GALNTL6: variants seen among roughly 807,000 people sequenced by gnomAD.
GALNTL6 encodes the protein polypeptide N-acetylgalactosaminyltransferase like 6.
A neutral mutation model predicts 73.7 loss-of-function variants in GALNTL6; 46 were observed. That is an observed-to-expected ratio of 0.62 (90% CI 0.49 to 0.80). The LOEUF is 0.80. GALNTL6 is among the 30% of genes least tolerant of loss of function. The probability of loss-of-function intolerance (pLI) is 0.00; values close to 1 mark genes in which losing one functional copy is unlikely to be tolerated. For synonymous variants in GALNTL6, 259 were observed against 263.7 expected (o/e 0.98, Z 0.17); for missense variants, 604 against 755.0 (o/e 0.80, Z 2.34).
chr4:171,914,430 T>A (rs966580903), intron 2 of GALNTL6, among the ~76,000 whole-genome samples: 1 of 37,974 alleles, frequency 2.6e-5, no homozygotes, highest in African/African-American at 1.8e-4. Context: ...AAAATGTACT[T>A]TTTTTTTTTT....
chr4:172,205,169 C>T (rs751895531), intron 2 of GALNTL6, among the ~76,000 whole-genome samples: 4 of 152,104 alleles, frequency 2.6e-5, no homozygotes, highest in African/African-American at 7.2e-5. Flanking sequence ...TTCATCTTTG[C>T]GCCTTTGGTA....
intron 10 of GALNTL6, 61 bp downstream of exon 10, chr4:172,952,319 C>T (rs1228503459): frequency 6.5e-6 from 8 of 1,227,504 alleles, no homozygotes; most frequent in Middle Eastern, 4.8e-4. Context: ...CCCCCATAGC[C>T]TCAGGTGGTG....
At chr4:172,447,092 T>C (rs747026823) in intron 5 of GALNTL6, among the ~76,000 whole-genome samples, 6 of 152,062 alleles carry the variant, frequency 3.9e-5, no homozygotes, top group Non-Finnish European at 7.4e-5. Flanking sequence ...GGTGAAGAGA[T>C]CATGACAGCA....
chr4:172,986,004 T>G (rs1751272828), intron 10 of GALNTL6, among the ~76,000 whole-genome samples: 1 of 152,160 alleles, frequency 6.6e-6, no homozygotes, highest in Admixed American at 6.5e-5. Context: ...AGAATGGGCT[T>G]TTTACATTCT....
chr4:172,079,137 G>A (rs1364019193), intron 2 of GALNTL6, among the ~76,000 whole-genome samples: 1 of 151,914 alleles, frequency 6.6e-6, no homozygotes, highest in Non-Finnish European at 1.5e-5. Context: ...CACCATCTAT[G>A]TCTGATTATA....
chr4:172,306,903 G>A (rs1195563816), intron 3 of GALNTL6, among the ~76,000 whole-genome samples: 6 of 152,086 alleles, frequency 3.9e-5, no homozygotes, highest in East Asian at 1.9e-4. Context: ...TTGCAATTGC[G>A]AATTGTGCTG....
At chr4:172,720,699 AGAC>A (rs1452222787) in intron 5 of GALNTL6, among the ~76,000 whole-genome samples, 1 of 152,266 alleles carries the variant, frequency 6.6e-6, no homozygotes, top group Non-Finnish European at 1.5e-5. Context: ...TTAGGGATGT[AGAC>A]AGCCCTGTAG....
chr4:172,105,183 GAAAT>G (rs1157132826), intron 2 of GALNTL6, among the ~76,000 whole-genome samples: 1 of 151,918 alleles, frequency 6.6e-6, no homozygotes, highest in Admixed American at 6.6e-5. Flanking sequence ...AGGAATTCTA[GAAAT>G]AAAAATATGA....
intron 10 of GALNTL6, among the ~76,000 whole-genome samples, chr4:172,968,032 TA>T (rs1182913069): frequency 1.3e-5 from 2 of 152,168 alleles, no homozygotes; most frequent in Admixed American, 1.3e-4. Flanking sequence ...TGCTTTTGTT[TA>T]ATCATCAAGA....
At chr4:172,372,308 C>T (rs187677693) in intron 5 of GALNTL6, among the ~76,000 whole-genome samples, 121 of 152,210 alleles carry the variant, frequency 7.9e-4, no homozygotes, top group African/African-American at 2.8e-3. Context: ...TTGAGGGCCA[C>T]GCATATACAT....
chr4:172,635,724 A>T (rs1163112292), intron 5 of GALNTL6, among the ~76,000 whole-genome samples: 1 of 152,148 alleles, frequency 6.6e-6, no homozygotes, highest in Non-Finnish European at 1.5e-5. Context: ...GGATGATCAG[A>T]TCCAAGTTTG....
intron 2 of GALNTL6, among the ~76,000 whole-genome samples, chr4:171,836,207 TTTAAA>T (rs1248154115): frequency 3.3e-5 from 5 of 152,054 alleles, no homozygotes; most frequent in Non-Finnish European, 7.4e-5. Flanking sequence ...ACTATCTATT[TTTAAA>T]TTATATAAAA....
chr4:172,249,346 G>A (rs1737770822), intron 3 of GALNTL6, among the ~76,000 whole-genome samples: 1 of 152,104 alleles, frequency 6.6e-6, no homozygotes, highest in African/African-American at 2.4e-5. Context: ...ATTTATAAGT[G>A]GCCAAGCATT....
chr4:172,922,192 C>T (rs1747830272), intron 8 of GALNTL6, among the ~76,000 whole-genome samples: 1 of 152,192 alleles, frequency 6.6e-6, no homozygotes, highest in African/African-American at 2.4e-5. Context: ...CGCCATGATT[C>T]TGAGGCCTCC....
chr4:171,881,700 T>G (rs1283157870), intron 2 of GALNTL6, among the ~76,000 whole-genome samples: 2 of 152,256 alleles, frequency 1.3e-5, no homozygotes, highest in Non-Finnish European at 2.9e-5. Context: ...CTATGGACTG[T>G]CTTCTTCCTA....
At chr4:172,769,869 T>C (rs1402107795) in intron 5 of GALNTL6, among the ~76,000 whole-genome samples, 1 of 152,202 alleles carries the variant, frequency 6.6e-6, no homozygotes, top group Non-Finnish European at 1.5e-5. Context: ...AAATCCCAAC[T>C]TTTCTCTTAC....
intron 2 of GALNTL6, among the ~76,000 whole-genome samples, chr4:172,213,609 C>G (rs555037281): frequency 6.6e-6 from 1 of 151,926 alleles, no homozygotes; most frequent in Non-Finnish European, 1.5e-5. Context: ...TATAAATTGA[C>G]TTATTTGTTT....
At chr4:172,940,512 G>A (rs28665774) in intron 9 of GALNTL6, among the ~76,000 whole-genome samples, 2 of 151,810 alleles carry the variant, frequency 1.3e-5, no homozygotes, top group African/African-American at 2.4e-5. Flanking sequence ...ACAGGTGCAC[G>A]CCACCATGCC....
At chr4:172,765,025 T>C (rs1738326423) in intron 5 of GALNTL6, among the ~76,000 whole-genome samples, 2 of 152,222 alleles carry the variant, frequency 1.3e-5, no homozygotes, top group Non-Finnish European at 2.9e-5. Context: ...TCTCTGGAAC[T>C]AGCATAATAG....
Sources: gnomAD v4.1 joint callset for allele counts (sites outside exome capture counted in the v4.1 genomes callset) on GRCh38, gnomAD v4.1.1 for gene constraint, MANE v1.5 for transcripts, NCBI Gene and HGNC (gene_info 2026-07-23, HGNC 2026-07-21) for gene names.